The following BABAM2 variants were observed in gnomAD, a reference collection of about 807,000 sequenced individuals.
BABAM2 encodes BRISC and BRCA1-A complex member 2.
BABAM2 carries 31 observed loss-of-function variants against 54.7 expected under a neutral mutation model. The observed-to-expected ratio is 0.57, with a 90% CI of 0.43 to 0.77. The LOEUF (loss-of-function observed/expected upper bound fraction) is 0.77. Ranked by LOEUF, BABAM2 falls within the 30% of genes least tolerant of loss-of-function variation. BABAM2 has a pLI of 0.00. For synonymous variants in BABAM2, 167 were observed against 162.9 expected, an observed-to-expected ratio of 1.03 and a Z score of -0.19; for missense variants, 364 against 455.8, an observed-to-expected ratio of 0.80 and a Z score of 1.83.
intron 11 of BABAM2, among the ~76,000 whole-genome samples, chr2:28,303,090 A>G (rs1191057533): frequency 3.3e-5 from 5 of 152,032 alleles, no homozygotes; most frequent in African/African-American, 9.7e-5. Flanking sequence ...CTTGGGCTCA[A>G]GTGATCCTTG....
chr2:27,983,953 T>TTTTTTTTTTTTTTTTTTTTTTTTTG (rs1437954045), intron 3 of BABAM2, among the ~76,000 whole-genome samples: 1 of 139,856 alleles, frequency 7.2e-6, no homozygotes, highest in Non-Finnish European at 1.6e-5. Context: ...TTTTTTTTTT[T>TTTTTTTTTTTTTTTTTTTTTTTTTG]TTTTTTTTGC....
At chr2:28,277,151 G>T (rs373983415) in intron 10 of BABAM2, among the ~76,000 whole-genome samples, 1 of 152,202 alleles carries the variant, frequency 6.6e-6, no homozygotes, top group African/African-American at 2.4e-5. Context: ...CATCGCCCAG[G>T]CTGGAGTGCA....
intron 6 of BABAM2, among the ~76,000 whole-genome samples, chr2:28,068,159 T>C (rs867236870): frequency 3.3e-4 from 51 of 152,314 alleles, no homozygotes; most frequent in Admixed American, 7.8e-4. Flanking sequence ...TCAGTACATA[T>C]ATATTACTTA....
Position 28,180,117 on chromosome 2 carries a change from C to G in BABAM2, c.680+50737C>G, listed in dbSNP as rs139312171. On this transcript the variant is annotated intron_variant, in intron 7 of 11. Transcript: ENST00000379624. Reference sequence around the variant, plus strand: ...TTTTCACAGAATTAGAAAAAACTATCCTAAAATTCATGTGGAACCAAAAAT... The same window carrying G: ...TTTTCACAGAATTAGAAAAAACTATGCTAAAATTCATGTGGAACCAAAAAT... Among the ~76,000 whole-genome samples, 529 of 152,068 alleles carry G rather than the reference C, an allele frequency of 3.5e-3. 6 individuals carry two copies. The highest frequency in any genetic ancestry group is 0.012 in the African/African-American group (500 of 41,502).
At chr2:28,292,028 A>G (rs977727828) in intron 10 of BABAM2, among the ~76,000 whole-genome samples, 15 of 152,212 alleles carry the variant, frequency 9.9e-5, no homozygotes, top group African/African-American at 3.6e-4. Flanking sequence ...ACAAGGGGTT[A>G]AAACGTTTCC....
chr2:28,254,728 A>ATTTTTTTTTTTTTTTTTTTTTTTTTTT (rs759661036), intron 10 of BABAM2, among the ~76,000 whole-genome samples: 1 of 122,402 alleles, frequency 8.2e-6, no homozygotes, highest in Non-Finnish European at 1.7e-5. Context: ...TTTTTTTTCA[A>ATTTTTTTTTTTTTTTTTTTTTTTTTTT]TTTTTTTTTT....
chr2:27,961,549 T>TA (rs1304347883), intron 3 of BABAM2, among the ~76,000 whole-genome samples: 1 of 152,272 alleles, frequency 6.6e-6, no homozygotes, highest in East Asian at 1.9e-4. Flanking sequence ...ATGCATTTTT[T>TA]ACTTAACAAT....
At chr2:28,142,577 A>G (rs925867254) in intron 7 of BABAM2, among the ~76,000 whole-genome samples, 1 of 152,138 alleles carries the variant, frequency 6.6e-6, no homozygotes, top group Admixed American at 6.5e-5. Flanking sequence ...TTTAAAAAGT[A>G]TGATGTCAGA....
At chr2:28,015,000 A>T (rs1026412867) in intron 4 of BABAM2, among the ~76,000 whole-genome samples, 2 of 152,210 alleles carry the variant, frequency 1.3e-5, no homozygotes, top group Non-Finnish European at 2.9e-5. Context: ...AATGCTAAAA[A>T]ATATTCATTA....
At chr2:28,040,967 A>G (rs1291044561) in intron 5 of BABAM2, among the ~76,000 whole-genome samples, 1 of 152,208 alleles carries the variant, frequency 6.6e-6, no homozygotes, top group Non-Finnish European at 1.5e-5. Context: ...AAGAGTTTTT[A>G]AAAGAATGTG....
chr2:28,243,857 C>T (rs113687607), intron 9 of BABAM2, among the ~76,000 whole-genome samples: 8 of 152,182 alleles, frequency 5.3e-5, no homozygotes, highest in Non-Finnish European at 7.3e-5. Flanking sequence ...TTCCTTCCAA[C>T]TTAAACTGGG....
At chr2:27,984,376 A>G (rs1672242463) in intron 3 of BABAM2, among the ~76,000 whole-genome samples, 1 of 152,152 alleles carries the variant, frequency 6.6e-6, no homozygotes, top group Non-Finnish European at 1.5e-5. Context: ...CAGGACATTC[A>G]TATTATCTCT....
At chr2:28,162,896 G>C (rs1673238191) in intron 7 of BABAM2, among the ~76,000 whole-genome samples, 1 of 152,146 alleles carries the variant, frequency 6.6e-6, no homozygotes, top group Non-Finnish European at 1.5e-5. Context: ...TAGGCCTCTA[G>C]TGACAAAGAC....
intron 7 of BABAM2, among the ~76,000 whole-genome samples, chr2:28,191,750 G>T (rs1303882315): frequency 1.3e-5 from 2 of 152,162 alleles, no homozygotes; most frequent in Non-Finnish European, 1.5e-5. Flanking sequence ...GTTGCCTGGG[G>T]ACAGGAGCAG....
intron 6 of BABAM2, among the ~76,000 whole-genome samples, chr2:28,068,590 T>C (rs1314116032): frequency 6.6e-6 from 1 of 152,202 alleles, no homozygotes; most frequent in Non-Finnish European, 1.5e-5. Context: ...TTAAATATTG[T>C]ATGAGTGTAA....
chr2:28,232,788 T>C (rs1020639236), intron 7 of BABAM2, among the ~76,000 whole-genome samples: 8 of 152,216 alleles, frequency 5.3e-5, no homozygotes, highest in African/African-American at 1.9e-4. Context: ...GGCTCATGAC[T>C]GCATGAGAGA....
chr2:28,099,365 G>A (rs1558333828), intron 6 of BABAM2, among the ~76,000 whole-genome samples: 1 of 152,078 alleles, frequency 6.6e-6, no homozygotes, highest in Non-Finnish European at 1.5e-5. Flanking sequence ...GCCTCTTGGG[G>A]AGAACCTGAC....
At chr2:28,106,786 C>G (rs534605394) in intron 6 of BABAM2, among the ~76,000 whole-genome samples, 1 of 152,196 alleles carries the variant, frequency 6.6e-6, no homozygotes, top group African/African-American at 2.4e-5. Context: ...ACCCAAATAT[C>G]CTATTTTTTA....
At chr2:28,265,184 C>T (rs1265604109) in intron 10 of BABAM2, among the ~76,000 whole-genome samples, 1 of 152,136 alleles carries the variant, frequency 6.6e-6, no homozygotes, top group East Asian at 1.9e-4. Flanking sequence ...TGTCTGTAAT[C>T]CCAGCACTTT....
Sources: allele counts gnomAD v4.1 joint callset (sites outside exome capture counted in the v4.1 genomes callset), GRCh38; gene constraint gnomAD v4.1.1; transcripts MANE v1.5; gene names NCBI Gene and HGNC (gene_info 2026-07-23, HGNC 2026-07-21).